CD96: variants seen among roughly 807,000 people sequenced by gnomAD.
CD96 encodes the protein T-cell surface protein tactile.
In CD96, 70 loss-of-function variants were observed where a neutral mutation model predicts 71.3. That is an observed-to-expected ratio of 0.98 (90% confidence interval 0.81 to 1.20). The LOEUF is 1.20. Ranked by LOEUF, CD96 falls within the 50% of genes most tolerant of loss-of-function variation. CD96 has a pLI of 0.00. For synonymous variants in CD96, 248 were observed against 233.0 expected, an observed-to-expected ratio of 1.06 and a Z score of -0.59; for missense variants, 742 against 677.5, an observed-to-expected ratio of 1.10 and a Z score of -1.06.
intron 7 of CD96, among the ~76,000 whole-genome samples, chr3:111,602,620 T>C (rs1200685672): frequency 6.6e-6 from 1 of 152,226 alleles, no homozygotes; most frequent in Non-Finnish European, 1.5e-5. Flanking sequence ...GTCATCACTG[T>C]ATTATGTCTC....
intron 14 of CD96, among the ~76,000 whole-genome samples, chr3:111,664,979 G>A (rs1056882336): frequency 3.3e-5 from 5 of 152,146 alleles, no homozygotes; most frequent in Non-Finnish European, 7.4e-5. Flanking sequence ...AGCAGTCAAA[G>A]GACTATGATA....
intron 8 of CD96, among the ~76,000 whole-genome samples, chr3:111,619,543 G>C (rs1377140540): frequency 2.0e-5 from 3 of 152,174 alleles, no homozygotes; most frequent in Non-Finnish European, 2.9e-5. Flanking sequence ...CTATCACAGA[G>C]TTTGTCATCT....
At chr3:111,607,646 A>G (rs184272792) in intron 8 of CD96, among the ~76,000 whole-genome samples, 2 of 152,344 alleles carry the variant, frequency 1.3e-5, no homozygotes, top group Non-Finnish European at 2.9e-5. Flanking sequence ...GAATAAAACA[A>G]AAGCAGTCAG....
chr3:111,574,915 C>T (rs952328505), intron 3 of CD96, among the ~76,000 whole-genome samples: 2 of 151,602 alleles, frequency 1.3e-5, no homozygotes, highest in Non-Finnish European at 2.9e-5. Context: ...TCCCAAGGAA[C>T]TGGGACCACA....
intron 5 of CD96, among the ~76,000 whole-genome samples, chr3:111,596,005 T>C (rs1055418612): frequency 1.3e-5 from 2 of 151,768 alleles, no homozygotes; most frequent in African/African-American, 4.8e-5. Context: ...CTACTAAAAA[T>C]GCAAAAATTA....
In CD96 at chr3:111,545,299, A is replaced by G; in HGVS notation, c.315A>G (p.Leu105=). The G allele has an allele frequency of 1.2e-6, 2 of 1,614,058 alleles. No homozygotes were observed. The highest frequency in any genetic ancestry group is 1.7e-6 in the Non-Finnish European group (2 of 1,179,928). ...ATGGGTCAAAATGGACTCTGCACTTAAGGAATATGTCTTGTTCAGTCAGTG... is the reference window on the plus strand; with the variant it reads ...ATGGGTCAAAATGGACTCTGCACTTGAGGAATATGTCTTGTTCAGTCAGTG... ...PENGSKWTLH[L]RNMSCSVSGR... The change falls in exon 2 of 14, where the codon TTA becomes TTG. Residue 105 remains leucine (L), a synonymous_variant. Coordinates refer to ENST00000352690, the MANE Select transcript of CD96 (RefSeq NM_005816.5).
rs541483700 is a variant in CD96 at position 111,639,130 on chromosome 3, C to G, written c.1477+962C>G. Among the ~76,000 whole-genome samples, 400 of 152,292 alleles carry G rather than the reference C, an allele frequency of 2.6e-3. 2 individuals are homozygous for G. Among genetic ancestry groups the G allele is most frequent in the South Asian group, 0.012 (58 of 4,824 alleles). ...CAGATCAACTGCAAGAACAAACCAG[C>G]AATCCTGAGAAAACCCACAGACCCT... On this transcript the variant is annotated intron_variant, in intron 12 of 13. Coordinates refer to ENST00000352690, the MANE Select transcript of CD96 (RefSeq NM_005816.5).
chr3:111,598,919 T>C (rs1576370842), intron 6 of CD96, among the ~76,000 whole-genome samples: 1 of 152,308 alleles, frequency 6.6e-6, no homozygotes, highest in South Asian at 2.1e-4. Flanking sequence ...TCAATCTGTC[T>C]TCAATAATAA....
At chr3:111,594,395 G>A in intron 5 of CD96, 1 of 595,958 alleles carries the variant, frequency 1.7e-6, no homozygotes, top group Non-Finnish European at 2.9e-6. Context: ...TCAGGGGTGA[G>A]TCAGATACAA....
intron 14 of CD96, among the ~76,000 whole-genome samples, chr3:111,658,688 C>A (rs1457674433): frequency 6.6e-6 from 1 of 152,178 alleles, no homozygotes; most frequent in Non-Finnish European, 1.5e-5. Context: ...ATCTTGTGCT[C>A]CTCCAAATGT....
chr3:111,606,363 C>T (rs868837191), intron 7 of CD96, among the ~76,000 whole-genome samples: 2 of 152,188 alleles, frequency 1.3e-5, no homozygotes, highest in Admixed American at 6.5e-5. Flanking sequence ...TTTACCAGGT[C>T]TTGGTAAAGT....
chr3:111,597,415 T>C (rs530236616), intron 5 of CD96, among the ~76,000 whole-genome samples: 2 of 152,336 alleles, frequency 1.3e-5, no homozygotes, highest in South Asian at 4.1e-4. Flanking sequence ...TTCATTTTTT[T>C]ATTTCAATAC....
At chr3:111,616,811 A>T (rs1938263028) in intron 8 of CD96, among the ~76,000 whole-genome samples, 1 of 152,086 alleles carries the variant, frequency 6.6e-6, no homozygotes, top group Non-Finnish European at 1.5e-5. Flanking sequence ...CCTGCCCCCT[A>T]CTGACTTGGC....
rs1937342133 is a variant in CD96 at position 111,598,148 on chromosome 3, T to C, written c.836T>C (p.Val279Ala). The change falls in exon 6 of 14, where the codon GTA (valine) becomes GCA (alanine). Residue 279 changes from valine to alanine, a missense_variant. Val to Ala is a moderately conservative substitution (Grantham distance 64). Transcript: ENST00000352690. ...ERRFTCLLKN[V>A]FPKANITWFI... ...AGATTTACCTGCTTACTAAAGAATG[T>C]ATTTCCCAAAGCAAATATCACATGG... The C allele has an allele frequency of 2.0e-6, 3 of 1,495,190 alleles. No individual in the cohort carries two copies. Among genetic ancestry groups the C allele is most frequent in the Non-Finnish European group, 2.8e-6 (3 of 1,072,398 alleles). 92.6% of individuals were successfully genotyped at this position (1,495,190 alleles called of 1,614,324 possible). A position where few individuals can be genotyped will look rare whatever the true frequency, so the allele number is the denominator to read the frequency against.
chr3:111,545,283 A>T lies in CD96; in HGVS notation c.299A>T (p.Lys100Ile). ...TFTETPENGS[K>I]WTLHLRNMSC... ...ACAGAAACTCCTGAGAATGGGTCAA[A>T]ATGGACTCTGCACTTAAGGAATATG... is the stretch of plus-strand genomic sequence containing the variant. Residue 100 changes from lysine to isoleucine, a missense_variant, in exon 2 of 14, where the codon AAA becomes ATA. Transcript: ENST00000352690. 6.2e-7 allele frequency: 1 copy of T among 1,614,076 alleles called. No homozygotes were observed. Among genetic ancestry groups the T allele is most frequent in the South Asian group, 1.1e-5 (1 of 91,078 alleles).
chr3:111,632,922 T>C (rs879328178), intron 10 of CD96, among the ~76,000 whole-genome samples: 4 of 152,176 alleles, frequency 2.6e-5, no homozygotes, highest in Non-Finnish European at 5.9e-5. Context: ...AGCAGTGTTA[T>C]CATTTATGTG....
At chr3:111,611,531 C>T (rs1238073937) in intron 8 of CD96, among the ~76,000 whole-genome samples, 1 of 152,222 alleles carries the variant, frequency 6.6e-6, no homozygotes, top group Non-Finnish European at 1.5e-5. Context: ...TTTGTGATAG[C>T]AACTTCTGAC....
intron 5 of CD96, among the ~76,000 whole-genome samples, chr3:111,596,290 G>A (rs1417071034): frequency 6.6e-6 from 1 of 152,216 alleles, no homozygotes; most frequent in East Asian, 1.9e-4. Flanking sequence ...GGGGGAAAAA[G>A]ATTCAAAATA....
intron 12 of CD96, among the ~76,000 whole-genome samples, chr3:111,641,192 G>T (rs1939572944): frequency 6.6e-6 from 1 of 152,174 alleles, no homozygotes; most frequent in South Asian, 2.1e-4. Context: ...CCACTTAATA[G>T]ATACAGAACA....
Sources: gnomAD v4.1 joint callset for allele counts (sites outside exome capture counted in the v4.1 genomes callset) on GRCh38, gnomAD v4.1.1 for gene constraint, MANE v1.5 for transcripts, NCBI Gene and HGNC (gene_info 2026-07-23, HGNC 2026-07-21) for gene names.